LCORL: variants seen among roughly 807,000 people sequenced by gnomAD.
LCORL encodes ligand-dependent nuclear receptor corepressor-like protein.
LCORL carries 41 observed loss-of-function variants against 141.8 expected under a neutral mutation model. The observed-to-expected ratio is 0.29, with a 90% CI of 0.23 to 0.38. LCORL has a LOEUF of 0.38. LCORL is among the 10% of genes least tolerant of loss of function. The pLI is 1.00. For missense variants in LCORL, 1,759 were observed against 2,035.0 expected (o/e 0.86, Z 2.61); for synonymous variants, 618 against 694.1 (o/e 0.89, Z 1.72).
exon 8 of LCORL, chr4:17,841,650 C>CA (rs1302557771): frequency 2.0e-5 from 3 of 151,786 alleles, no homozygotes; most frequent in Admixed American, 1.3e-4. Flanking sequence ...TTTAATAGAC[C>CA]AAACTTCATA....
At chr4:17,954,929 T>A (rs1157939853) in intron 4 of LCORL, among the ~76,000 whole-genome samples, 1 of 152,118 alleles carries the variant, frequency 6.6e-6, no homozygotes, top group African/African-American at 2.4e-5. Context: ...TAGTGAAGAA[T>A]TATCAACTAG....
At chr4:17,950,794 C>CTTTA (rs912881820) in intron 4 of LCORL, among the ~76,000 whole-genome samples, 35 of 150,848 alleles carry the variant, frequency 2.3e-4, no homozygotes, top group African/African-American at 8.0e-4. Context: ...GACACCGAAT[C>CTTTA]TTAAAAAAAA....
chr4:17,860,411 T>C (rs990766169), intron 7 of LCORL, among the ~76,000 whole-genome samples: 8 of 152,156 alleles, frequency 5.3e-5, no homozygotes, highest in Admixed American at 4.6e-4. Context: ...CTTCCCCTTA[T>C]AATAACCATC....
chr4:18,006,626 A>G (rs1035185969), intron 1 of LCORL, among the ~76,000 whole-genome samples: 4 of 152,200 alleles, frequency 2.6e-5, no homozygotes, highest in African/African-American at 9.6e-5. Flanking sequence ...GGCACATCTC[A>G]GATGGTGGCA....
chr4:17,993,799 C>T (rs1720451411), intron 1 of LCORL, among the ~76,000 whole-genome samples: 1 of 152,058 alleles, frequency 6.6e-6, no homozygotes. Context: ...GGTTAGAAAG[C>T]TTGCAAAAAT....
chr4:17,947,460 TTTG>T (rs1241738036), intron 4 of LCORL, among the ~76,000 whole-genome samples: 1 of 151,692 alleles, frequency 6.6e-6, no homozygotes, highest in African/African-American at 2.4e-5. Flanking sequence ...GGAATATGGA[TTTG>T]TTGGTTTTTT....
intron 7 of LCORL, among the ~76,000 whole-genome samples, chr4:17,853,275 C>A (rs1358828715): frequency 6.6e-6 from 1 of 152,060 alleles, no homozygotes; most frequent in African/African-American, 2.4e-5. Flanking sequence ...GAAGGCTTAA[C>A]ATGTGAGATT....
intron 4 of LCORL, among the ~76,000 whole-genome samples, chr4:17,946,367 T>C (rs1315867692): frequency 1.3e-5 from 2 of 152,026 alleles, no homozygotes; most frequent in Non-Finnish European, 2.9e-5. Context: ...CACACATGCA[T>C]GTAATGTGTA....
intron 1 of LCORL, among the ~76,000 whole-genome samples, chr4:17,980,400 A>G (rs1447840608): frequency 6.6e-6 from 1 of 152,232 alleles, no homozygotes; most frequent in Non-Finnish European, 1.5e-5. Context: ...ATTCTAAAGC[A>G]TAACTCTTTG....
At chr4:17,975,062 T>C (rs891171760) in intron 1 of LCORL, among the ~76,000 whole-genome samples, 4 of 152,034 alleles carry the variant, frequency 2.6e-5, no homozygotes, top group Admixed American at 1.3e-4. Context: ...GATCACTCAT[T>C]TTCTATGTTT....
At chr4:17,870,612 A>G (rs1726235202) in intron 7 of LCORL, among the ~76,000 whole-genome samples, 1 of 152,170 alleles carries the variant, frequency 6.6e-6, no homozygotes, top group Non-Finnish European at 1.5e-5. Context: ...AAGAGCAACA[A>G]CCATGACTTT....
chr4:17,916,416 C>G (rs1733420270), intron 4 of LCORL, among the ~76,000 whole-genome samples: 1 of 152,132 alleles, frequency 6.6e-6, no homozygotes, highest in Non-Finnish European at 1.5e-5. Context: ...GCCCCATCCC[C>G]TTGCTGATAA....
intron 4 of LCORL, among the ~76,000 whole-genome samples, chr4:17,941,676 T>C (rs1472442188): frequency 6.6e-6 from 1 of 152,136 alleles, no homozygotes; most frequent in East Asian, 1.9e-4. Context: ...TACAAAACAC[T>C]TAAGTATTGT....
At chr4:17,945,512 C>T (rs1328688156) in intron 4 of LCORL, among the ~76,000 whole-genome samples, 1 of 151,642 alleles carries the variant, frequency 6.6e-6, no homozygotes, top group Admixed American at 6.6e-5. Flanking sequence ...AGCAATATAC[C>T]CCTCCTTTTC....
At chr4:17,977,188 G>C (rs1248708252) in intron 1 of LCORL, among the ~76,000 whole-genome samples, 1 of 152,030 alleles carries the variant, frequency 6.6e-6, no homozygotes. Context: ...CATTATATTA[G>C]ATATACTACA....
At chr4:17,888,328 T>C (rs1424263468) in intron 5 of LCORL, among the ~76,000 whole-genome samples, 1 of 151,940 alleles carries the variant, frequency 6.6e-6, no homozygotes, top group Admixed American at 6.6e-5. Flanking sequence ...TTAAATACAG[T>C]TTATTGCCCC....
intron 5 of LCORL, among the ~76,000 whole-genome samples, chr4:17,896,100 T>C (rs922224889): frequency 6.6e-6 from 1 of 152,222 alleles, no homozygotes; most frequent in African/African-American, 2.4e-5. Context: ...GCGCAACCTT[T>C]TGAGGAACTT....
chr4:17,909,300 T>C (rs772194591), exon 5 of LCORL: 1 of 1,610,136 alleles, frequency 6.2e-7, no homozygotes, highest in Non-Finnish European at 8.5e-7. Context: ...TTTCATTAAT[T>C]CCTGAGCAAC....
At chr4:17,987,777 G>GT (rs1719251221) in intron 1 of LCORL, among the ~76,000 whole-genome samples, 2 of 152,176 alleles carry the variant, frequency 1.3e-5, no homozygotes, top group African/African-American at 4.8e-5. Context: ...GGCAATTCAT[G>GT]TAAGTTCCTT....
Sources: gnomAD v4.1 joint callset for allele counts (sites outside exome capture counted in the v4.1 genomes callset) on GRCh38, gnomAD v4.1.1 for gene constraint, MANE v1.5 for transcripts, NCBI Gene and HGNC (gene_info 2026-07-23, HGNC 2026-07-21) for gene names.